The following SYN3 variants were observed in gnomAD, a reference collection of about 807,000 sequenced individuals.
The protein encoded by SYN3 is synapsin III.
In SYN3, 35 loss-of-function variants were observed where a neutral mutation model predicts 65.8. That is an observed-to-expected ratio of 0.53 (90% CI 0.41 to 0.70). The LOEUF is 0.70. SYN3 is among the 30% of genes least tolerant of loss of function. The pLI, the probability that SYN3 is intolerant of heterozygous loss-of-function variation, is 0.00. For missense variants in SYN3, 680 were observed against 749.0 expected (o/e 0.91, Z 1.08); for synonymous variants, 270 against 292.9 (o/e 0.92, Z 0.80).
intron 2 of SYN3, among the ~76,000 whole-genome samples, chr22:33,000,078 A>C (rs1007000193): frequency 6.6e-6 from 1 of 152,046 alleles, no homozygotes; most frequent in Non-Finnish European, 1.5e-5. Flanking sequence ...TCAAATCTAC[A>C]GATGAGGCTG....
Position 33,028,173 on chromosome 22 carries a change from G to A in SYN3, c.-162-21349C>T, listed in dbSNP as rs372371894. 2.9e-4 allele frequency among the ~76,000 whole-genome samples: 44 copies of A among 152,140 alleles called. No homozygotes were observed. In the South Asian group the frequency reaches 3.1e-3, roughly 11 times the overall value. On this transcript the variant is annotated intron_variant, in intron 1 of 13. Transcript: ENST00000358763. ...ACAGAGCAGAGAGGAATCCCAGCCC[G>A]TGGTTTCCACAGCCTGCCCTTTCCC...
At chr22:32,622,976 G>A (rs573386703) in intron 6 of SYN3, among the ~76,000 whole-genome samples, 4 of 152,222 alleles carry the variant, frequency 2.6e-5, no homozygotes, top group Admixed American at 2.6e-4. Flanking sequence ...GTAGTTTAGG[G>A]GAGGGAGGGG....
chr22:32,766,816 G>T (rs1202330681), intron 6 of SYN3, among the ~76,000 whole-genome samples: 4 of 152,176 alleles, frequency 2.6e-5, no homozygotes, highest in Non-Finnish European at 4.4e-5. Flanking sequence ...GTTTACTTTG[G>T]TTGAGTGGGA....
intron 12 of SYN3, among the ~76,000 whole-genome samples, chr22:32,525,480 G>C (rs1328255660): frequency 1.3e-5 from 2 of 152,170 alleles, no homozygotes; most frequent in Admixed American, 6.5e-5. Context: ...GGCTGAGGCG[G>C]GCGGATCACG....
In SYN3 at chr22:32,541,725, G is replaced by A. The variant is rs1479568967; in HGVS notation, c.775-12C>T. ...TTTTCCACTTTGATCTGTGTGGGAG[G>A]ATGAGGGGGATGAGTGCCACCCACC... On this transcript the variant is annotated splice_polypyrimidine_tract_variant and intron_variant, in intron 7 of 13. Coordinates refer to ENST00000358763, the MANE Select transcript of SYN3 (RefSeq NM_003490.4). 6 of 1,611,164 alleles carry A rather than the reference G, an allele frequency of 3.7e-6. No individual in the cohort carries two copies. In the South Asian group the frequency reaches 6.6e-5, roughly 18 times the overall value.
rs1344682923 is a variant in SYN3, at chr22:32,513,373, T to G, written c.*319A>C. The G allele has an allele frequency of 1.6e-5, 4 of 256,026 alleles. No individual in the cohort carries two copies. In the Admixed American group the frequency reaches 2.0e-4, roughly 12 times the overall value. 15.9% of individuals were successfully genotyped at this position (256,026 alleles called of 1,614,324 possible). A position where few individuals can be genotyped will look rare whatever the true frequency, so the allele number is the denominator to read the frequency against. On this transcript the variant is annotated 3_prime_UTR_variant, in exon 14 of 14. Transcript: ENST00000358763. ...TAGTAAGAATGTGAAAACTAGCCAC[T>G]CGCAGACATCTCACTTGGTTATCTG...
chr22:32,554,815 A>C (rs2146318339), intron 7 of SYN3, among the ~76,000 whole-genome samples: 2 of 152,298 alleles, frequency 1.3e-5, no homozygotes, highest in South Asian at 4.1e-4. Flanking sequence ...TTGCTGACAA[A>C]AAAAATGCAA....
At chr22:32,749,044 T>C (rs1313696953) in intron 6 of SYN3, among the ~76,000 whole-genome samples, 1 of 152,176 alleles carries the variant, frequency 6.6e-6, no homozygotes, top group Non-Finnish European at 1.5e-5. Flanking sequence ...CTTGGGTAGC[T>C]GTAACACATT....
At chr22:32,799,035 C>T (rs568816729) in intron 6 of SYN3, among the ~76,000 whole-genome samples, 35 of 152,272 alleles carry the variant, frequency 2.3e-4, no homozygotes, top group African/African-American at 7.5e-4. Context: ...CCCCACCTAG[C>T]TTATTAAGTG....
chr22:32,990,267 C>CCCATCCATGAAT (rs759546933), intron 2 of SYN3, among the ~76,000 whole-genome samples: 40,633 of 138,958 alleles, frequency 0.29, 7,860 homozygotes, highest in Middle Eastern at 0.37. Context: ...CACCCAACTA[C>CCCATCCATGAAT]CCATCCATGA....
intron 3 of SYN3, among the ~76,000 whole-genome samples, chr22:32,970,447 G>A (rs1419658175): frequency 2.0e-5 from 3 of 147,386 alleles, no homozygotes; most frequent in Non-Finnish European, 4.4e-5. Flanking sequence ...TTCAAGACCA[G>A]CCTGGGCAAC....
chr22:32,689,783 C>T (rs2060638386), intron 6 of SYN3, among the ~76,000 whole-genome samples: 3 of 152,064 alleles, frequency 2.0e-5, no homozygotes, highest in Admixed American at 2.0e-4. Flanking sequence ...CATTTAAGTC[C>T]CAGATCCTAA....
chr22:32,531,132 G>A (rs1601575840), intron 10 of SYN3, among the ~76,000 whole-genome samples: 3 of 98,008 alleles, frequency 3.1e-5, no homozygotes, highest in African/African-American at 1.2e-4. Flanking sequence ...CCTGGCGACA[G>A]AATGAGACCC....
At chr22:32,827,741 C>T (rs375553313) in intron 6 of SYN3, among the ~76,000 whole-genome samples, 9 of 152,220 alleles carry the variant, frequency 5.9e-5, no homozygotes, top group Middle Eastern at 3.2e-3. Context: ...GAAGTTTCTA[C>T]GGGATCTGGC....
At chr22:32,753,014 CA>C (rs1378288065) in intron 6 of SYN3, among the ~76,000 whole-genome samples, 7 of 152,096 alleles carry the variant, frequency 4.6e-5, no homozygotes, top group Non-Finnish European at 8.8e-5. Flanking sequence ...GGGTTGGTCC[CA>C]AACAACATGG....
chr22:32,600,587 G>A (rs1383117334), intron 6 of SYN3, among the ~76,000 whole-genome samples: 2 of 152,208 alleles, frequency 1.3e-5, no homozygotes, highest in Admixed American at 6.5e-5. Flanking sequence ...AGGGTGAATG[G>A]TGCAGACCAC....
intron 6 of SYN3, among the ~76,000 whole-genome samples, chr22:32,611,259 G>C (rs951578842): frequency 2.7e-5 from 4 of 150,730 alleles, no homozygotes; most frequent in Non-Finnish European, 5.9e-5. Context: ...TGAGAGCAGA[G>C]GGCTTCAGCT....
Position 32,965,516 on chromosome 22 carries a change from T to C in SYN3, c.369+15129A>G, listed in dbSNP as rs868422272. Among the ~76,000 whole-genome samples the C allele has an allele frequency of 1.3e-4, 19 of 151,828 alleles. 1 individual carries two copies. In the South Asian group the frequency reaches 2.5e-3, roughly 20 times the overall value. ...CACTGTGTACCCTACTTTCACGGCT[T>C]CTAACAGTTTGTAATTATGGTGCGT... On this transcript the variant is annotated intron_variant, in intron 3 of 13. Coordinates refer to ENST00000358763, the MANE Select transcript of SYN3 (RefSeq NM_003490.4).
chr22:32,901,436 T>G (rs1287829237), intron 4 of SYN3, among the ~76,000 whole-genome samples: 2 of 152,208 alleles, frequency 1.3e-5, no homozygotes, highest in African/African-American at 4.8e-5. Context: ...TTCTTGCCAC[T>G]AAAGAGAATC....
Sources: allele counts gnomAD v4.1 joint callset (sites outside exome capture counted in the v4.1 genomes callset), GRCh38; gene constraint gnomAD v4.1.1; transcripts MANE v1.5; gene names NCBI Gene and HGNC (gene_info 2026-07-23, HGNC 2026-07-21).